The following TMEM156 variants were observed in gnomAD, a reference collection of about 807,000 sequenced individuals.
TMEM156 encodes the protein transmembrane protein 156.
A neutral mutation model predicts 30.5 loss-of-function variants in TMEM156; 28 were observed. The observed-to-expected ratio is 0.92, with a 90% CI of 0.68 to 1.26. The LOEUF (loss-of-function observed/expected upper bound fraction) is 1.26, where lower values mean the gene tolerates loss of function less well. TMEM156 is among the 50% of genes most tolerant of loss of function. The probability of loss-of-function intolerance (pLI) is 0.00; values close to 1 mark genes in which losing one functional copy is unlikely to be tolerated. For synonymous variants in TMEM156, 137 were observed against 119.9 expected (o/e 1.14, Z -0.93); for missense variants, 351 against 340.6 (o/e 1.03, Z -0.24).
At chr4:39,013,175 C>T (rs968927823) in intron 1 of TMEM156, among the ~76,000 whole-genome samples, 2 of 151,352 alleles carry the variant, frequency 1.3e-5, no homozygotes, top group Non-Finnish European at 2.9e-5. Flanking sequence ...GTGGCACATG[C>T]CTGTAGTCCC....
At chr4:38,992,046 A>G (rs1440507244) in intron 3 of TMEM156, among the ~76,000 whole-genome samples, 1 of 152,198 alleles carries the variant, frequency 6.6e-6, no homozygotes, top group Non-Finnish European at 1.5e-5. Context: ...GAAGTCTCAC[A>G]TTTTATCTTA....
At chr4:39,022,358 A>G (rs1446509181) in intron 1 of TMEM156, among the ~76,000 whole-genome samples, 2 of 152,194 alleles carry the variant, frequency 1.3e-5, no homozygotes, top group Non-Finnish European at 2.9e-5. Context: ...TATCTCAGTC[A>G]TATCTCAGTC....
intron 6 of TMEM156, among the ~76,000 whole-genome samples, chr4:38,969,521 G>A (rs539983082): frequency 6.6e-6 from 1 of 152,294 alleles, no homozygotes; most frequent in East Asian, 1.9e-4. Context: ...ATTGTGAATA[G>A]TGCTACAATA....
intron 1 of TMEM156, among the ~76,000 whole-genome samples, chr4:39,031,753 G>A (rs965052193): frequency 6.6e-6 from 1 of 151,574 alleles, no homozygotes; most frequent in African/African-American, 2.4e-5. Context: ...GCATGGTGGT[G>A]GGCGCCTGTA....
chr4:38,975,436 G>A (rs1722805086), intron 5 of TMEM156, among the ~76,000 whole-genome samples: 2 of 145,154 alleles, frequency 1.4e-5, no homozygotes, highest in African/African-American at 5.1e-5. Context: ...AAGCTGGAGT[G>A]CAGTGGTGCA....
In TMEM156 at chr4:38,986,409, G is replaced by A; in HGVS notation, c.750C>T (p.Asp250=). ...RRVQKWQSHR[D]KPTSVLLRGS... ...CTCTTAAGAGAACAGATGTAGGTTTGTCTCTATGACCTATTCCCAGAAAAG... is the reference window on the plus strand; with the variant it reads ...CTCTTAAGAGAACAGATGTAGGTTTATCTCTATGACCTATTCCCAGAAAAG... The change falls in exon 5 of 7, where the codon GAC becomes GAT. Residue 250 remains aspartate (D), a synonymous_variant. Transcript: ENST00000381938. The A allele has an allele frequency of 6.2e-7, 1 of 1,611,330 alleles. No homozygotes were observed. Among genetic ancestry groups the A allele is most frequent in the East Asian group, 2.2e-5 (1 of 44,848 alleles).
chr4:38,977,742 G>A (rs1161651779), intron 5 of TMEM156, among the ~76,000 whole-genome samples: 1 of 152,032 alleles, frequency 6.6e-6, no homozygotes, highest in Non-Finnish European at 1.5e-5. Flanking sequence ...ACTTCAAACA[G>A]CCTTAAAAAA....
intron 5 of TMEM156, among the ~76,000 whole-genome samples, chr4:38,973,627 A>G (rs1365984689): frequency 6.6e-6 from 1 of 152,148 alleles, no homozygotes; most frequent in Non-Finnish European, 1.5e-5. Flanking sequence ...CAATTGTATC[A>G]TCTGCAGAAT....
intron 5 of TMEM156, among the ~76,000 whole-genome samples, chr4:38,984,124 A>T (rs1711779949): frequency 1.3e-5 from 2 of 152,200 alleles, no homozygotes; most frequent in Non-Finnish European, 2.9e-5. Flanking sequence ...AGAGACACAT[A>T]AAAGATGGGG....
chr4:39,022,477 G>A (rs1374968177), intron 1 of TMEM156, among the ~76,000 whole-genome samples: 1 of 152,108 alleles, frequency 6.6e-6, no homozygotes, highest in Non-Finnish European at 1.5e-5. Flanking sequence ...CTCTTGCTTA[G>A]CCATACGTAT....
Position 38,998,795 on chromosome 4 carries a change from T to C in TMEM156, c.203A>G (p.Gln68Arg). The C allele has an allele frequency of 6.2e-7, 1 of 1,613,940 alleles. No homozygotes were observed. Among genetic ancestry groups the C allele is most frequent in the Non-Finnish European group, 8.5e-7 (1 of 1,179,934 alleles). Residue 68 changes from glutamine (Q) to arginine (R), a missense_variant, in exon 2 of 7, where the codon CAG becomes CGG. By Grantham distance (43) the Gln-to-Arg change is conservative. Transcript: ENST00000381938. ...VTFLQPVRET[Q>R]IIMRIFLNPS... ...ATTTAGAAAGATTCTCATGATAATC[T>C]GAGTTTCCCTTACTGGTTGCAGAAA... is the stretch of plus-strand genomic sequence containing the variant.
intron 2 of TMEM156, among the ~76,000 whole-genome samples, chr4:38,994,734 G>T (rs1712800571): frequency 6.6e-6 from 1 of 152,156 alleles, no homozygotes; most frequent in Non-Finnish European, 1.5e-5. Context: ...GATCACCTGA[G>T]GTCAGGGGTT....
At chr4:39,006,407 T>C (rs188269814) in intron 1 of TMEM156, among the ~76,000 whole-genome samples, 1 of 152,172 alleles carries the variant, frequency 6.6e-6, no homozygotes, top group African/African-American at 2.4e-5. Context: ...ATTCTCTACA[T>C]TTTTTATCAG....
chr4:38,981,363 G>A (rs11943965), intron 5 of TMEM156, among the ~76,000 whole-genome samples: 79,965 of 151,972 alleles, frequency 0.53, 22,016 homozygotes, highest in African/African-American at 0.7. Flanking sequence ...CTTTTGCTTC[G>A]TGTTCCCTCA....
intron 2 of TMEM156, among the ~76,000 whole-genome samples, chr4:38,995,531 A>G (rs1577542022): frequency 6.6e-6 from 1 of 152,228 alleles, no homozygotes; most frequent in Non-Finnish European, 1.5e-5. Flanking sequence ...CCTGAGCAAC[A>G]TGATGAAACC....
chr4:38,984,402 T>A (rs1711816902), intron 5 of TMEM156, among the ~76,000 whole-genome samples: 1 of 151,494 alleles, frequency 6.6e-6, no homozygotes, highest in Non-Finnish European at 1.5e-5. Context: ...TACTCACTTT[T>A]AAATGCATGA....
intron 1 of TMEM156, among the ~76,000 whole-genome samples, chr4:39,020,259 T>C (rs922999880): frequency 6.6e-6 from 1 of 152,170 alleles, no homozygotes; most frequent in Non-Finnish European, 1.5e-5. Context: ...AATGCTGCAA[T>C]GGATATGGGA....
At chr4:39,015,292 G>A (rs1376079267) in intron 1 of TMEM156, among the ~76,000 whole-genome samples, 5 of 152,124 alleles carry the variant, frequency 3.3e-5, no homozygotes, top group Non-Finnish European at 7.4e-5. Context: ...GGCAGAAGAT[G>A]GAATTCAGGT....
chr4:38,992,843 C>A (rs1201233043), intron 3 of TMEM156, among the ~76,000 whole-genome samples: 1 of 148,780 alleles, frequency 6.7e-6, no homozygotes, highest in Non-Finnish European at 1.5e-5. Context: ...CTCACTGTAA[C>A]CTCCGCCTCC....
Sources: gnomAD v4.1 joint callset for allele counts (sites outside exome capture counted in the v4.1 genomes callset) on GRCh38, gnomAD v4.1.1 for gene constraint, MANE v1.5 for transcripts, NCBI Gene and HGNC (gene_info 2026-07-23, HGNC 2026-07-21) for gene names.